The following NFIX variants were observed in gnomAD, a reference collection of about 807,000 sequenced individuals.
NFIX encodes the protein nuclear factor I X.
NFIX carries 2 observed loss-of-function variants against 53.3 expected under a neutral mutation model. The ratio of observed to expected loss-of-function variants is 0.04; its 90% CI spans 0.02 to 0.12. NFIX has a LOEUF of 0.12. NFIX is among the 10% of genes least tolerant of loss of function. The pLI is 1.00. For synonymous variants in NFIX, 244 were observed against 289.0 expected (o/e 0.84, Z 1.58); for missense variants, 310 against 674.5 (o/e 0.46, Z 5.99).
chr19:13,062,375 G>C (rs948693346), intron 2 of NFIX, among the ~76,000 whole-genome samples: 2 of 152,234 alleles, frequency 1.3e-5, no homozygotes, highest in Non-Finnish European at 2.9e-5. Flanking sequence ...CTGTTCCCTG[G>C]GTGGTCAGTG....
chr19:12,997,328 A>G (rs1022688387), intron 1 of NFIX, among the ~76,000 whole-genome samples: 1 of 152,330 alleles, frequency 6.6e-6, no homozygotes, highest in South Asian at 2.1e-4. Context: ...TGGGCCGGCC[A>G]TGGGCAGGCC....
intron 1 of NFIX, among the ~76,000 whole-genome samples, chr19:12,999,973 TG>T (rs1403390097): frequency 1.3e-5 from 2 of 152,166 alleles, no homozygotes; most frequent in Non-Finnish European, 2.9e-5. Flanking sequence ...TGAGATGAGC[TG>T]GGGCTCCGTG....
At chr19:13,050,700 C>A (rs2015274737) in intron 2 of NFIX, among the ~76,000 whole-genome samples, 1 of 152,128 alleles carries the variant, frequency 6.6e-6, no homozygotes, top group African/African-American at 2.4e-5. Context: ...TCTCTGGACC[C>A]CTGGGTGTCG....
chr19:13,056,828 G>A (rs886280453), intron 2 of NFIX, among the ~76,000 whole-genome samples: 2 of 152,212 alleles, frequency 1.3e-5, no homozygotes, highest in African/African-American at 4.8e-5. Flanking sequence ...AGGTTATGAA[G>A]CCAGCCCTGC....
intron 8 of NFIX, among the ~76,000 whole-genome samples, chr19:13,085,583 G>T (rs1351875097): frequency 2.0e-5 from 3 of 152,252 alleles, no homozygotes. Context: ...CTGGAACTGA[G>T]GGTCCCTTTC....
chr19:13,047,473 C>G lies in NFIX; in HGVS notation c.559+21921C>G, dbSNP rs530496583. ...CCCTCCTTGAATCCATTTTGAGTTG[C>G]TCTTCCCTGGCCCCATTAGAAAATG... is the stretch of plus-strand genomic sequence containing the variant. On this transcript the variant is annotated intron_variant, in intron 2 of 10. Transcript: ENST00000592199. Among the ~76,000 whole-genome samples the G allele has an allele frequency of 1.8e-4, 27 of 152,308 alleles. No homozygotes were observed. In the South Asian group the frequency reaches 5.6e-3, roughly 32 times the overall value.
At chr19:13,061,956 C>T (rs896027672) in intron 2 of NFIX, among the ~76,000 whole-genome samples, 29 of 152,238 alleles carry the variant, frequency 1.9e-4, no homozygotes, top group African/African-American at 6.7e-4. Flanking sequence ...GGGCTCTATG[C>T]AGCACTCGGT....
intron 2 of NFIX, among the ~76,000 whole-genome samples, chr19:13,038,454 A>G (rs2014365936): frequency 6.6e-6 from 1 of 152,210 alleles, no homozygotes; most frequent in Non-Finnish European, 1.5e-5. Flanking sequence ...CCCAGTGACC[A>G]GGGCTGGACT....
chr19:13,076,805 G>A lies in NFIX; in HGVS notation c.955+1134G>A, dbSNP rs146414051. 6.6e-4 allele frequency among the ~76,000 whole-genome samples: 101 copies of A among 152,302 alleles called. 1 individual carries two copies. The highest frequency in any genetic ancestry group is 2.2e-3 in the African/African-American group (93 of 41,574). On this transcript the variant is annotated intron_variant, in intron 6 of 10. Coordinates refer to ENST00000592199, the MANE Select transcript of NFIX (RefSeq NM_001365902.3). ...TCCTGCTTTTCTGCTGCCCCAGAACGAATGCAAGTTCTGGCAGCTTCTCCT... is the reference window on the plus strand; with the variant it reads ...TCCTGCTTTTCTGCTGCCCCAGAACAAATGCAAGTTCTGGCAGCTTCTCCT...
chr19:13,025,240 A>G lies in NFIX; in HGVS notation c.247A>G (p.Ile83Val). The G allele has an allele frequency of 1.2e-6, 2 of 1,614,160 alleles. No homozygotes were observed. The highest frequency in any genetic ancestry group is 1.7e-6 in the Non-Finnish European group (2 of 1,179,982). ...SRLLAKLRKD[I>V]RPEFREDFVL... is the part of the protein sequence containing the mutation. Reference sequence around the variant, plus strand: ...GCTGCTGGCCAAGCTGCGCAAGGACATCCGGCCCGAGTTCCGCGAGGACTT... The same window carrying G: ...GCTGCTGGCCAAGCTGCGCAAGGACGTCCGGCCCGAGTTCCGCGAGGACTT... Residue 83 changes from isoleucine (I) to valine (V), a missense_variant, in exon 2 of 11, where the codon ATC (isoleucine) becomes GTC (valine). By Grantham distance (29) the Ile-to-Val change is conservative. This residue lies in a region of NFIX where 64 missense variants were observed against 144.5 expected (regional missense o/e 0.44). Coordinates refer to ENST00000592199, the MANE Select transcript of NFIX (RefSeq NM_001365902.3). This position sits in a 1 kb window ranked among gnomAD's most constrained non-coding sequence, Gnocchi z 7.5.
At position 13,073,840 on chromosome 19, in the gene NFIX, C is replaced by A. The variant is rs2016911805; in HGVS notation, c.698-66C>A. 1.2e-6 allele frequency: 2 copies of A among 1,607,490 alleles called. No homozygotes were observed. The highest frequency in any genetic ancestry group is 1.7e-5 in the Admixed American group (1 of 59,632). On this transcript the variant is annotated intron_variant, in intron 4 of 10. Transcript: ENST00000592199. The surrounding 1 kb of genome is among the most constrained non-coding windows in gnomAD (Gnocchi z 4.5). ...TGGGCTTCTGGGAAGCTGTTCATGA[C>A]AAAGAAACAGACCCCATCAGGCCTC...
intron 1 of NFIX, among the ~76,000 whole-genome samples, chr19:13,020,277 G>A (rs1032079302): frequency 2.4e-4 from 36 of 152,226 alleles, no homozygotes; most frequent in Admixed American, 3.9e-4. Flanking sequence ...CATGAGGGGC[G>A]TGTCTGGGCT....
chr19:13,026,208 G>A (rs2013332501), intron 2 of NFIX, among the ~76,000 whole-genome samples: 1 of 151,956 alleles, frequency 6.6e-6, no homozygotes, highest in South Asian at 2.1e-4. Flanking sequence ...TGAAAACAAG[G>A]ACGAGATTCC....
chr19:13,084,124 A>G (rs950702728), intron 8 of NFIX, among the ~76,000 whole-genome samples: 2 of 152,226 alleles, frequency 1.3e-5, no homozygotes, highest in Non-Finnish European at 2.9e-5. Flanking sequence ...GTCACAGATC[A>G]GTTTTGCAGG....
At position 13,060,111 on chromosome 19, in the gene NFIX, T is replaced by G. The variant is rs1270334075; in HGVS notation, c.560-12936T>G. Among the ~76,000 whole-genome samples, 1 of 152,172 alleles carries G rather than the reference T, an allele frequency of 6.6e-6. No homozygotes were observed. The highest frequency in any genetic ancestry group is 1.5e-5 in the Non-Finnish European group (1 of 68,002). ...CCAAGAGGAACGCTTTTGGCCTCCA[T>G]TTCTTCCCTCCACTTCAGCCTCTGC... is the stretch of plus-strand genomic sequence containing the variant. On this transcript the variant is annotated intron_variant, in intron 2 of 10. Coordinates refer to ENST00000592199, the MANE Select transcript of NFIX (RefSeq NM_001365902.3). The surrounding 1 kb of genome is among the most constrained non-coding windows in gnomAD (Gnocchi z 4.3).
intron 1 of NFIX, among the ~76,000 whole-genome samples, chr19:13,017,040 TAACTC>T (rs1266795769): frequency 6.6e-6 from 1 of 152,216 alleles, no homozygotes; most frequent in African/African-American, 2.4e-5. Flanking sequence ...TAGCATTAAT[TAACTC>T]AAGTTCGTTA....
chr19:13,085,495 G>C (rs2017724672), intron 8 of NFIX, among the ~76,000 whole-genome samples: 1 of 152,218 alleles, frequency 6.6e-6, no homozygotes, highest in Non-Finnish European at 1.5e-5. Flanking sequence ...TTCTAGGCAG[G>C]CATGGAGATG....
Position 13,078,670 on chromosome 19 carries a change from A to C in NFIX, c.1013A>C (p.Gln338Pro). 2 of 1,599,710 alleles carry C rather than the reference A, an allele frequency of 1.3e-6. No homozygotes were observed. Among genetic ancestry groups the C allele is most frequent in the Non-Finnish European group, 1.7e-6 (2 of 1,173,544 alleles). ...KLDFCSALSSQGSSPRMAFTH... is the reference protein window; with the variant it reads ...KLDFCSALSSPGSSPRMAFTH... Reference sequence around the variant, plus strand: ...GACTTCTGCAGTGCCCTCTCCTCTCAGGGCAGCTCCCCGCGCATGGCTTTC... The same window carrying C: ...GACTTCTGCAGTGCCCTCTCCTCTCCGGGCAGCTCCCCGCGCATGGCTTTC... Residue 338 changes from glutamine to proline, a missense_variant, in exon 7 of 11, where the codon CAG becomes CCG. Around this residue, in one of 5 missense-constraint regions of NFIX, gnomAD observed 164 missense variants for 284.4 expected, o/e 0.58. Coordinates refer to ENST00000592199, the MANE Select transcript of NFIX (RefSeq NM_001365902.3). The surrounding 1 kb of genome is among the most constrained non-coding windows in gnomAD (Gnocchi z 4.7).
At chr19:13,047,872 G>A (rs559861500) in intron 2 of NFIX, among the ~76,000 whole-genome samples, 14 of 152,236 alleles carry the variant, frequency 9.2e-5, no homozygotes, top group African/African-American at 2.9e-4. Context: ...ATTCCGGCCC[G>A]GTTAATTGCA....
Sources: allele counts gnomAD v4.1 joint callset (sites outside exome capture counted in the v4.1 genomes callset), GRCh38; gene constraint gnomAD v4.1.1; regional missense constraint gnomAD v4.1.1; non-coding constraint Gnocchi (gnomAD v3.1); transcripts MANE v1.5; gene names NCBI Gene and HGNC (gene_info 2026-07-23, HGNC 2026-07-21).